SH3KBP1: variants seen among roughly 807,000 people sequenced by gnomAD.
SH3KBP1 encodes the protein SH3 domain containing kinase binding protein 1.
A neutral mutation model predicts 50.1 loss-of-function variants in SH3KBP1; 8 were observed. The observed-to-expected ratio is 0.16, with a 90% CI of 0.09 to 0.29. The LOEUF (loss-of-function observed/expected upper bound fraction) is 0.29. SH3KBP1 is among the 10% of genes least tolerant of loss of function. SH3KBP1 has a pLI of 1.00. For synonymous variants in SH3KBP1, 227 were observed against 218.6 expected (o/e 1.04, Z -0.34); for missense variants, 377 against 535.2 (o/e 0.70, Z 2.92).
intron 2 of SH3KBP1, among the ~76,000 whole-genome samples, chrX:19,771,413 T>C (rs2065786861): frequency 2.7e-5 from 3 of 111,503 alleles, no homozygotes; most frequent in Non-Finnish European, 5.7e-5. Flanking sequence ...AACTGCAACA[T>C]TGACAAGATA....
intron 2 of SH3KBP1, among the ~76,000 whole-genome samples, chrX:19,766,063 T>C (rs1261339953): frequency 1.8e-5 from 2 of 112,105 alleles, no homozygotes; most frequent in African/African-American, 3.2e-5. Context: ...GGTAATTCTA[T>C]TTTTAATTGT....
intron 2 of SH3KBP1, among the ~76,000 whole-genome samples, chrX:19,832,796 G>C (rs1252389497): frequency 3.6e-5 from 4 of 111,945 alleles, no homozygotes; most frequent in Non-Finnish European, 5.7e-5. Flanking sequence ...GCAATGCGGA[G>C]ACCTTCTGGT....
Position 19,587,189 on chromosome X carries a change from T to C in SH3KBP1, c.1298+1454A>G, listed in dbSNP as rs1602570743. ...GTGAGCCGAGATTGCGCCATTGCAC[T>C]CCAGCCAGGGCAACAAGAGCGAAAC... On this transcript the variant is annotated intron_variant, in intron 12 of 17. Coordinates refer to ENST00000397821, the MANE Select transcript of SH3KBP1 (RefSeq NM_031892.3). 3.3e-5 allele frequency among the ~76,000 whole-genome samples: 3 copies of C among 91,263 alleles called. No individual in the cohort carries two copies. The East Asian group carries it at 1.0e-3, about 31-fold the overall frequency. 79.3% of individuals were successfully genotyped at this position (91,263 alleles called of 115,157 possible).
chrX:19,760,677 T>A (rs1432175616), intron 2 of SH3KBP1, among the ~76,000 whole-genome samples: 1 of 111,077 alleles, frequency 9.0e-6, no homozygotes, highest in Non-Finnish European at 1.9e-5. Flanking sequence ...CTGGTTCTGA[T>A]ACCACTGAGA....
chrX:19,739,014 G>GAAAAAA (rs1167676836), intron 3 of SH3KBP1, among the ~76,000 whole-genome samples: 1 of 22,454 alleles, frequency 4.5e-5, no homozygotes, highest in East Asian at 1.3e-3. Context: ...CTGCCTCCAA[G>GAAAAAA]AAAAAAAAAA....
intron 2 of SH3KBP1, among the ~76,000 whole-genome samples, chrX:19,830,623 G>A (rs2067844444): frequency 9.3e-6 from 1 of 108,089 alleles, no homozygotes; most frequent in South Asian, 4.2e-4. Flanking sequence ...TTAGCCAGGT[G>A]TGGTGGCTCA....
intron 1 of SH3KBP1, among the ~76,000 whole-genome samples, chrX:19,864,870 G>A (rs964657154): frequency 8.9e-6 from 1 of 111,990 alleles, no homozygotes; most frequent in Non-Finnish European, 1.9e-5. Flanking sequence ...CTCTCTATGC[G>A]GAGCCCACAG....
chrX:19,761,344 TAGAG>T (rs1248291151), intron 2 of SH3KBP1, among the ~76,000 whole-genome samples: 2 of 51,092 alleles, frequency 3.9e-5, no homozygotes, highest in Non-Finnish European at 6.6e-5. Context: ...GAGAGAGGGA[TAGAG>T]AGAGAAGGGA....
chrX:19,634,034 GTGT>G (rs2061640038), intron 7 of SH3KBP1, among the ~76,000 whole-genome samples: 2 of 6,102 alleles, frequency 3.3e-4, no homozygotes, highest in Non-Finnish European at 4.0e-4. Context: ...GTTCCCTGGT[GTGT>G]GTGTGTGTGT....
chrX:19,584,851 T>C (rs1481067147), intron 12 of SH3KBP1, among the ~76,000 whole-genome samples: 1 of 111,886 alleles, frequency 8.9e-6, no homozygotes, highest in African/African-American at 3.3e-5. Flanking sequence ...TGGCTTCCAA[T>C]GAGAGCTGCT....
At chrX:19,814,297 C>T (rs191595686) in intron 2 of SH3KBP1, among the ~76,000 whole-genome samples, 84 of 111,243 alleles carry the variant, frequency 7.6e-4, no homozygotes, top group African/African-American at 2.6e-3. Context: ...CTGCTCTCCT[C>T]GCTTCCACCC....
chrX:19,670,824 T>C, intron 6 of SH3KBP1: 5 of 1,015,732 alleles, frequency 4.9e-6, no homozygotes, highest in Non-Finnish European at 6.4e-6. Flanking sequence ...ACTGGATTTA[T>C]TACAACTCTA....
intron 2 of SH3KBP1, among the ~76,000 whole-genome samples, chrX:19,794,535 C>G (rs2066651088): frequency 9.0e-6 from 1 of 110,664 alleles, no homozygotes; most frequent in African/African-American, 3.3e-5. Flanking sequence ...AACCCCGTCT[C>G]TACTAAAAAT....
intron 14 of SH3KBP1, among the ~76,000 whole-genome samples, chrX:19,548,292 C>T (rs1387994516): frequency 8.9e-6 from 1 of 111,992 alleles, no homozygotes; most frequent in Non-Finnish European, 1.9e-5. Flanking sequence ...CTGGAAGTCA[C>T]AAGGCTCTCT....
At chrX:19,824,164 T>C (rs189831421) in intron 2 of SH3KBP1, among the ~76,000 whole-genome samples, 4 of 112,337 alleles carry the variant, frequency 3.6e-5, no homozygotes, top group East Asian at 5.5e-4. Flanking sequence ...ACTGTTTACA[T>C]AGCACTATGT....
intron 13 of SH3KBP1, among the ~76,000 whole-genome samples, chrX:19,554,184 TATA>T (rs371600007): frequency 3.1e-4 from 21 of 67,778 alleles, no homozygotes; most frequent in Admixed American, 8.5e-4. Context: ...CATATTAAAA[TATA>T]ATATTATATA....
intron 1 of SH3KBP1, among the ~76,000 whole-genome samples, chrX:19,874,066 A>ATAT (rs1227248407): frequency 6.5e-5 from 5 of 77,309 alleles, no homozygotes; most frequent in Non-Finnish European, 8.8e-5. Flanking sequence ...AAAAAAAAAA[A>ATAT]AAATATATAT....
chrX:19,862,363 G>A (rs1050125608), intron 1 of SH3KBP1, among the ~76,000 whole-genome samples: 5 of 112,001 alleles, frequency 4.5e-5, no homozygotes, highest in Middle Eastern at 4.6e-3. Flanking sequence ...ATAGTCTGCC[G>A]CTGCAGACCT....
intron 10 of SH3KBP1, among the ~76,000 whole-genome samples, chrX:19,592,357 T>A (rs907095875): frequency 8.9e-6 from 1 of 111,845 alleles, no homozygotes; most frequent in African/African-American, 3.3e-5. Context: ...TGCCTATGTA[T>A]CCTTAATTTA....
Sources: allele counts gnomAD v4.1 joint callset (sites outside exome capture counted in the v4.1 genomes callset), GRCh38; gene constraint gnomAD v4.1.1; transcripts MANE v1.5; gene names NCBI Gene and HGNC (gene_info 2026-07-23, HGNC 2026-07-21).